The following PTPN11 variants were observed in gnomAD, a reference collection of about 807,000 sequenced individuals.
PTPN11 encodes tyrosine-protein phosphatase non-receptor type 11.
Under a neutral mutation model 78.8 loss-of-function variants are expected in PTPN11, and 6 were observed. That is an observed-to-expected ratio of 0.08 (90% CI 0.04 to 0.15). The LOEUF is 0.15. Ranked by LOEUF, PTPN11 falls within the 10% of genes least tolerant of loss-of-function variation. The pLI is 1.00. For synonymous variants in PTPN11, 221 were observed against 263.5 expected, an observed-to-expected ratio of 0.84 and a Z score of 1.56; for missense variants, 386 against 744.8, an observed-to-expected ratio of 0.52 and a Z score of 5.61.
At chr12:112,474,047 T>C (rs1396525591) in intron 7 of PTPN11, among the ~76,000 whole-genome samples, 1 of 151,608 alleles carries the variant, frequency 6.6e-6, no homozygotes, top group East Asian at 2.0e-4. Context: ...TACACCTGGT[T>C]GATTTTACAG....
At position 112,420,685 on chromosome 12, in the gene PTPN11, C is replaced by T. The variant is rs1444632029; in HGVS notation, c.14+1560C>T. The stretch of plus-strand genomic sequence containing the variant: ...ATATTAGGAATGTCTCCTCCAAACA[C>T]ACCTGGCATGTTATTCATACATGGA... On this transcript the variant is annotated intron_variant, in intron 1 of 15. Transcript: ENST00000351677. Among the ~76,000 whole-genome samples, 12 of 152,278 alleles carry T rather than the reference C, an allele frequency of 7.9e-5. No individual in the cohort carries two copies. The East Asian group carries it at 2.3e-3, about 29-fold the overall frequency.
intron 13 of PTPN11, among the ~76,000 whole-genome samples, chr12:112,500,525 C>T (rs888266120): frequency 1.3e-5 from 2 of 152,200 alleles, no homozygotes; most frequent in African/African-American, 4.8e-5. Context: ...TTCTTACTGA[C>T]TGCTTTATCA....
At chr12:112,472,914 GTAA>G in intron 6 of PTPN11, 27 bp from the exon 7 acceptor site, 1 of 1,516,376 alleles carries the variant, frequency 6.6e-7, no homozygotes, top group Non-Finnish European at 9.1e-7. Context: ...TCTTTGACAC[GTAA>G]TAATATTGAC....
intron 5 of PTPN11, among the ~76,000 whole-genome samples, chr12:112,455,208 T>C (rs2038140078): frequency 6.6e-6 from 1 of 151,722 alleles, no homozygotes; most frequent in African/African-American, 2.4e-5. Context: ...CCCATATTTA[T>C]CTGTAAAAGG....
chr12:112,456,580 C>G (rs2038164666), intron 6 of PTPN11, among the ~76,000 whole-genome samples: 1 of 151,750 alleles, frequency 6.6e-6, no homozygotes, highest in Non-Finnish European at 1.5e-5. Flanking sequence ...CCATCTCAGC[C>G]TACTGAGTAG....
Position 112,482,333 on chromosome 12 carries a change from A to C in PTPN11, c.1224+128A>C. ...TCACTCATTGATTCAGTAGCCATTT[A>C]TTAGCTTCCTTCTATGTGCCAGGTA... On this transcript the variant is annotated intron_variant, in intron 10 of 15. Transcript: ENST00000351677. This position sits in a 1 kb window ranked among gnomAD's most constrained non-coding sequence, Gnocchi z 4.4. The C allele has an allele frequency of 2.7e-6, 3 of 1,104,974 alleles. No individual in the cohort carries two copies. Among genetic ancestry groups the C allele is most frequent in the Non-Finnish European group, 4.1e-6 (3 of 737,116 alleles). 68.4% of individuals were successfully genotyped at this position (1,104,974 alleles called of 1,614,324 possible).
intron 13 of PTPN11, among the ~76,000 whole-genome samples, chr12:112,497,087 A>C (rs902162014): frequency 4.0e-5 from 6 of 150,696 alleles, no homozygotes; most frequent in African/African-American, 1.5e-4. Flanking sequence ...CACGAGAATC[A>C]CTTGAACCTG....
chr12:112,423,577 C>A (rs2037557787), intron 1 of PTPN11, among the ~76,000 whole-genome samples: 1 of 152,028 alleles, frequency 6.6e-6, no homozygotes, highest in Non-Finnish European at 1.5e-5. Context: ...TGAGCTACCA[C>A]ACAAGCCTGA....
chr12:112,481,288 G>A (rs1175094600), intron 9 of PTPN11, among the ~76,000 whole-genome samples: 2 of 152,174 alleles, frequency 1.3e-5, no homozygotes, highest in Non-Finnish European at 2.9e-5. Context: ...TGGAGTGACT[G>A]GTAGATCTTA....
At chr12:112,470,693 T>G (rs1566177393) in intron 6 of PTPN11, among the ~76,000 whole-genome samples, 1 of 152,104 alleles carries the variant, frequency 6.6e-6, no homozygotes, top group Non-Finnish European at 1.5e-5. Context: ...GGTTCGTAAA[T>G]GAAGGCCCGA....
intron 1 of PTPN11, among the ~76,000 whole-genome samples, chr12:112,438,909 AAC>A (rs1283173870): frequency 6.6e-6 from 1 of 152,012 alleles, no homozygotes; most frequent in Non-Finnish European, 1.5e-5. Context: ...TACAGGCATG[AAC>A]CATTGTGCCT....
rs369058665 is a variant in PTPN11, at chr12:112,477,596, G to C, written c.854-55G>C. ...GGCTGGGGAGTAACTGATTTGAACT[G>C]TTTTTTCCTGAAGCAGTCCAGGACT... On this transcript the variant is annotated intron_variant, in intron 7 of 15. Coordinates refer to ENST00000351677, the MANE Select transcript of PTPN11 (RefSeq NM_002834.5). 8.1e-5 allele frequency: 114 copies of C among 1,415,436 alleles called. No individual in the cohort carries two copies. The African/African-American group carries it at 1.1e-3, about 14-fold the overall frequency. The allele number at this position is 1,415,436 out of a possible 1,614,324, so 87.7% of individuals were successfully genotyped here.
chr12:112,439,733 G>T (rs1331460346), intron 1 of PTPN11, among the ~76,000 whole-genome samples: 1 of 150,138 alleles, frequency 6.7e-6, no homozygotes, highest in African/African-American at 2.5e-5. Context: ...GCCTTCCAAA[G>T]TGCTGGGATT....
At chr12:112,461,989 C>A (rs1434697975) in intron 6 of PTPN11, among the ~76,000 whole-genome samples, 1 of 152,080 alleles carries the variant, frequency 6.6e-6, no homozygotes, top group Non-Finnish European at 1.5e-5. Flanking sequence ...AATGACTTCC[C>A]AATAATATGA....
intron 1 of PTPN11, among the ~76,000 whole-genome samples, chr12:112,438,607 G>A (rs903097814): frequency 1.3e-5 from 2 of 151,902 alleles, no homozygotes; most frequent in South Asian, 2.1e-4. Flanking sequence ...TCAGCCTCCC[G>A]AGTAGCTGAG....
intron 9 of PTPN11, among the ~76,000 whole-genome samples, chr12:112,479,633 G>C (rs990350655): frequency 6.6e-6 from 1 of 152,202 alleles, no homozygotes; most frequent in East Asian, 1.9e-4. Flanking sequence ...CTTCAGGCAA[G>C]GGTTTTTTGC....
intron 1 of PTPN11, among the ~76,000 whole-genome samples, chr12:112,425,972 C>T (rs1270572348): frequency 6.6e-6 from 1 of 152,190 alleles, no homozygotes; most frequent in Non-Finnish European, 1.5e-5. Flanking sequence ...GGGTTACACA[C>T]ATGGGCCACT....
intron 2 of PTPN11, among the ~76,000 whole-genome samples, chr12:112,447,086 C>A (rs2038004485): frequency 6.6e-6 from 1 of 151,998 alleles, no homozygotes; most frequent in Admixed American, 6.6e-5. Context: ...CAAGGCTGAT[C>A]TTTAACTCTT....
chr12:112,461,226 T>C (rs993580536), intron 6 of PTPN11, among the ~76,000 whole-genome samples: 6 of 152,216 alleles, frequency 3.9e-5, no homozygotes, highest in Admixed American at 2.0e-4. Flanking sequence ...GGTAGTGATA[T>C]TGTAATTTTA....
Sources: allele counts gnomAD v4.1 joint callset (sites outside exome capture counted in the v4.1 genomes callset), GRCh38; gene constraint gnomAD v4.1.1; non-coding constraint Gnocchi (gnomAD v3.1); transcripts MANE v1.5; gene names NCBI Gene and HGNC (gene_info 2026-07-23, HGNC 2026-07-21).